The following CCDC192 variants were observed in gnomAD, a reference collection of about 807,000 sequenced individuals.
The protein encoded by CCDC192 is coiled-coil domain-containing protein 192.
chr5:127,728,953 C>T (rs928534791), intron 2 of CCDC192, among the ~76,000 whole-genome samples: 65 of 152,178 alleles, frequency 4.3e-4, no homozygotes, highest in African/African-American at 1.5e-3. Flanking sequence ...GTCACCCAGG[C>T]TGGAGTGCAG....
chr5:127,750,006 T>C (rs1020372169), intron 2 of CCDC192, among the ~76,000 whole-genome samples: 4 of 151,992 alleles, frequency 2.6e-5, no homozygotes, highest in African/African-American at 9.7e-5. Context: ...TTCTCTCTTT[T>C]TTTCTTTATT....
chr5:127,760,633 C>T (rs148097779), intron 3 of CCDC192, among the ~76,000 whole-genome samples: 10 of 140,158 alleles, frequency 7.1e-5, no homozygotes, highest in Admixed American at 5.4e-4. Flanking sequence ...AAAAATTCGC[C>T]GGGCATGGTG....
intron 5 of CCDC192, among the ~76,000 whole-genome samples, chr5:127,846,819 CAAAAAAAAAAAAA>C (rs551016691): frequency 1.6e-5 from 1 of 63,678 alleles, no homozygotes; most frequent in South Asian, 9.2e-4. Flanking sequence ...GTCAATAAAG[CAAAAAAAAAAAAA>C]AAAAAAAAAA....
chr5:127,866,228 A>G (rs1246519332), intron 5 of CCDC192, among the ~76,000 whole-genome samples: 1 of 152,024 alleles, frequency 6.6e-6, no homozygotes, highest in Non-Finnish European at 1.5e-5. Context: ...AGTCAGTTTG[A>G]TATTCTAGGG....
intron 6 of CCDC192, among the ~76,000 whole-genome samples, chr5:127,929,393 A>G (rs1300693731): frequency 6.6e-6 from 1 of 152,174 alleles, no homozygotes; most frequent in Non-Finnish European, 1.5e-5. Context: ...CCCAAGGCTG[A>G]TCAAAAGAAA....
At chr5:127,850,086 T>C (rs547394159) in intron 5 of CCDC192, among the ~76,000 whole-genome samples, 3 of 152,358 alleles carry the variant, frequency 2.0e-5, no homozygotes, top group Admixed American at 1.3e-4. Context: ...CCGTAGGGAT[T>C]ATAGAGCTTG....
intron 5 of CCDC192, among the ~76,000 whole-genome samples, chr5:127,840,165 T>C (rs1750220474): frequency 6.6e-6 from 1 of 152,166 alleles, no homozygotes; most frequent in Non-Finnish European, 1.5e-5. Context: ...TGGCTAGGAA[T>C]GAGAGCCACA....
At chr5:127,756,120 C>A (rs1236079007) in intron 3 of CCDC192, among the ~76,000 whole-genome samples, 2 of 150,738 alleles carry the variant, frequency 1.3e-5, no homozygotes, top group Non-Finnish European at 2.9e-5. Context: ...GCGACAGAGC[C>A]AGACTCTGTC....
intron 5 of CCDC192, among the ~76,000 whole-genome samples, chr5:127,802,706 C>G (rs1218271070): frequency 5.9e-5 from 9 of 152,184 alleles, no homozygotes; most frequent in Admixed American, 5.9e-4. Context: ...TTTCTCAAGA[C>G]TGCAAGTTCC....
intron 3 of CCDC192, among the ~76,000 whole-genome samples, chr5:127,790,094 G>A (rs1386404828): frequency 6.6e-6 from 1 of 152,182 alleles, no homozygotes; most frequent in African/African-American, 2.4e-5. Flanking sequence ...CCAAGCTGTG[G>A]GGGTGACATT....
At chr5:127,923,442 A>T (rs1302411395) in intron 6 of CCDC192, among the ~76,000 whole-genome samples, 1 of 147,830 alleles carries the variant, frequency 6.8e-6, no homozygotes. Context: ...CAGTGGTGCC[A>T]TCTTGGCTCA....
At chr5:127,846,310 TTAAA>T (rs1392100440) in intron 5 of CCDC192, among the ~76,000 whole-genome samples, 1 of 151,284 alleles carries the variant, frequency 6.6e-6, no homozygotes, top group African/African-American at 2.4e-5. Context: ...AAAAAAATTG[TTAAA>T]TGAATGAATA....
Position 127,808,874 on chromosome 5 carries a change from G to A in CCDC192, c.411+10712G>A, listed in dbSNP as rs542871178. ...AGTAAATACCTTGTTCAATGAATGA[G>A]AATGGAGTAAGTGAGAGAATGTATA... On this transcript the variant is annotated intron_variant, in intron 5 of 6. Transcript: ENST00000514853. Among the ~76,000 whole-genome samples the A allele has an allele frequency of 1.7e-4, 26 of 152,294 alleles. No individual in the cohort carries two copies. In the South Asian group the frequency reaches 5.0e-3, roughly 29 times the overall value.
chr5:127,722,812 G>T (rs927394414), intron 2 of CCDC192, among the ~76,000 whole-genome samples: 5 of 152,076 alleles, frequency 3.3e-5, no homozygotes, highest in African/African-American at 1.2e-4. Context: ...TGCTCCATTT[G>T]TCTGTTTTCA....
At chr5:127,830,451 T>C (rs1749734263) in intron 5 of CCDC192, among the ~76,000 whole-genome samples, 1 of 152,186 alleles carries the variant, frequency 6.6e-6, no homozygotes, top group South Asian at 2.1e-4. Context: ...CTTTGGCCTC[T>C]CTCCTTGGCT....
intron 5 of CCDC192, among the ~76,000 whole-genome samples, chr5:127,843,441 C>CT (rs35146997): frequency 0.018 from 2,378 of 129,238 alleles, 46 homozygotes; most frequent in African/African-American, 0.058. Context: ...AAGAATAACT[C>CT]TTTTTTTTTT....
chr5:127,800,713 C>G (rs1468135540), intron 5 of CCDC192, among the ~76,000 whole-genome samples: 1 of 152,100 alleles, frequency 6.6e-6, no homozygotes, highest in African/African-American at 2.4e-5. Context: ...TTCGTATCCC[C>G]CAGCCATGGT....
Position 127,819,212 on chromosome 5 carries a change from C to T in CCDC192, c.411+21050C>T, listed in dbSNP as rs373898517. Among the ~76,000 whole-genome samples the T allele has an allele frequency of 3.3e-5, 5 of 152,258 alleles. 1 individual carries two copies. Among genetic ancestry groups the T allele is most frequent in the Middle Eastern group, 3.4e-3 (1 of 294 alleles). ...CACCATTGAAAGCAAGGAGGGTACACGCTAAGGCAACTACTAGGAAGCGCG... is the reference window on the plus strand; with the variant it reads ...CACCATTGAAAGCAAGGAGGGTACATGCTAAGGCAACTACTAGGAAGCGCG... On this transcript the variant is annotated intron_variant, in intron 5 of 6. Transcript: ENST00000514853.
At chr5:127,711,793 T>A (rs187567674) in intron 2 of CCDC192, among the ~76,000 whole-genome samples, 76 of 152,304 alleles carry the variant, frequency 5.0e-4, no homozygotes, top group Non-Finnish European at 7.6e-4. Context: ...GATTTGTTGC[T>A]GTTCTGGGAA....
Sources: allele counts gnomAD v4.1 joint callset (sites outside exome capture counted in the v4.1 genomes callset), GRCh38; gene constraint gnomAD v4.1.1; transcripts MANE v1.5; gene names NCBI Gene and HGNC (gene_info 2026-07-23, HGNC 2026-07-21).